The following ANO6 variants were observed in gnomAD, a reference collection of about 807,000 sequenced individuals.
ANO6 encodes anoctamin 6.
A neutral mutation model predicts 117.5 loss-of-function variants in ANO6; 106 were observed. The observed-to-expected ratio is 0.90, with a 90% CI of 0.77 to 1.06. The LOEUF (loss-of-function observed/expected upper bound fraction) is 1.06. Among genes scored for constraint, ANO6 ranks in the 50% least tolerant of loss-of-function variants. ANO6 has a pLI of 0.00. For synonymous variants in ANO6, 367 were observed against 385.1 expected (o/e 0.95, Z 0.55); for missense variants, 955 against 1,121.1 (o/e 0.85, Z 2.12).
At chr12:45,428,757 G>A (rs1347799544) in intron 19 of ANO6, among the ~76,000 whole-genome samples, 2 of 152,094 alleles carry the variant, frequency 1.3e-5, no homozygotes, top group African/African-American at 2.4e-5. Context: ...GAAGTGCAAG[G>A]CCATTAGAAA....
At position 45,391,694 on chromosome 12, in the gene ANO6, C is replaced by T. The variant is rs541914329; in HGVS notation, c.1386+1196C>T. Among the ~76,000 whole-genome samples the T allele has an allele frequency of 5.9e-5, 9 of 152,286 alleles. No homozygotes were observed. The East Asian group carries it at 1.5e-3, about 26-fold the overall frequency. On this transcript the variant is annotated intron_variant, in intron 12 of 19. Coordinates refer to ENST00000320560, the MANE Select transcript of ANO6 (RefSeq NM_001025356.3). ...TCAGCCTGGCCAACATGGCGAAACC[C>T]TGTCTTTACTAAAAATACAAAAATT...
intron 16 of ANO6, 79 bp downstream of exon 16, chr12:45,409,566 C>T (rs1943033479): frequency 6.8e-7 from 1 of 1,469,650 alleles, no homozygotes; most frequent in Non-Finnish European, 9.4e-7. Context: ...TGTTATTGAG[C>T]CATATTAACA....
intron 2 of ANO6, among the ~76,000 whole-genome samples, chr12:45,319,919 T>C (rs1195411467): frequency 6.6e-6 from 1 of 152,224 alleles, no homozygotes; most frequent in Non-Finnish European, 1.5e-5. Flanking sequence ...GTGTTTGTAG[T>C]ATTCTCTGAT....
intron 12 of ANO6, among the ~76,000 whole-genome samples, chr12:45,397,825 G>T (rs1316616118): frequency 6.6e-6 from 1 of 152,162 alleles, no homozygotes; most frequent in Non-Finnish European, 1.5e-5. Flanking sequence ...ACATAGTGGG[G>T]CCTGTTGGGC....
chr12:45,408,717 A>T (rs75469389), intron 15 of ANO6, among the ~76,000 whole-genome samples: 4,588 of 152,216 alleles, frequency 0.03, 87 homozygotes, highest in African/African-American at 0.055. Context: ...CTCCGAGGAA[A>T]AAAATGCCCA....
In ANO6 at chr12:45,430,336, G is replaced by C; in HGVS notation, c.*1025G>C. The C allele has an allele frequency of 1.0e-6, 1 of 985,448 alleles. No individual in the cohort carries two copies. The highest frequency in any genetic ancestry group is 1.2e-6 in the Non-Finnish European group (1 of 829,952). The allele number at this position is 985,448 out of a possible 1,614,324, so 61.0% of individuals were successfully genotyped here. A position where few individuals can be genotyped will look rare whatever the true frequency, so the allele number is the denominator to read the frequency against. On this transcript the variant is annotated 3_prime_UTR_variant, in exon 20 of 20. Transcript: ENST00000320560. Reference sequence around the variant, plus strand: ...ACTACACAGCCATTGGGGTACAACTGTGTGCATGGGCAGAAACAGCAAGTG... The same window carrying C: ...ACTACACAGCCATTGGGGTACAACTCTGTGCATGGGCAGAAACAGCAAGTG...
intron 1 of ANO6, among the ~76,000 whole-genome samples, chr12:45,234,664 C>T (rs1233326120): frequency 6.6e-6 from 1 of 152,188 alleles, no homozygotes. Context: ...AGTCATCTTC[C>T]CTGCCTGAGT....
At chr12:45,424,326 G>GTT (rs1943439451) in intron 19 of ANO6, among the ~76,000 whole-genome samples, 2 of 118,416 alleles carry the variant, frequency 1.7e-5, no homozygotes, top group Admixed American at 9.4e-5. Context: ...CTAGGTGATG[G>GTT]GTTTTTTTTT....
intron 12 of ANO6, among the ~76,000 whole-genome samples, chr12:45,393,085 G>C (rs1242056368): frequency 6.6e-6 from 1 of 152,174 alleles, no homozygotes; most frequent in East Asian, 1.9e-4. Context: ...TCGCAAGGAA[G>C]CTAAAAATCT....
rs139407160 is a variant in ANO6, at chr12:45,403,489, C to T, written c.1833C>T (p.Ile611=). 3 of 1,613,892 alleles carry T rather than the reference C, an allele frequency of 1.9e-6. No individual in the cohort carries two copies. Among genetic ancestry groups the T allele is most frequent in the Non-Finnish European group, 2.5e-6 (3 of 1,179,816 alleles). ...LLELTTQLTI[I]MGGKAIWNNI... is the part of the protein sequence containing the mutation. ...AACTGACAACTCAGCTGACAATAAT[C>T]ATGGGAGGAAAAGCAATCTGGAATA... The change falls in exon 15 of 20, where the codon ATC becomes ATT. Residue 611 remains isoleucine, a synonymous_variant. Coordinates refer to ENST00000320560, the MANE Select transcript of ANO6 (RefSeq NM_001025356.3).
chr12:45,413,627 G>T (rs1379416236), intron 16 of ANO6, among the ~76,000 whole-genome samples: 2 of 152,100 alleles, frequency 1.3e-5, no homozygotes, highest in African/African-American at 4.8e-5. Context: ...GAGTGAGGGA[G>T]GCTCACAAAG....
At position 45,416,827 on chromosome 12, in the gene ANO6, G is replaced by A. The variant is rs765525912; in HGVS notation, c.2140G>A (p.Val714Ile). The change falls in exon 17 of 20, where the codon GTA (valine) becomes ATA (isoleucine). Residue 714 changes from valine to isoleucine, a missense_variant. Val to Ile is a conservative substitution (Grantham distance 29). Coordinates refer to ENST00000320560, the MANE Select transcript of ANO6 (RefSeq NM_001025356.3). ...WKLTTQFRRL[V>I]PEKAQDIGAW... ...ACTGACCACCCAGTTTAGACGCCTGGTACCAGAGAAAGCCCAAGACATTGG... is the reference window on the plus strand; with the variant it reads ...ACTGACCACCCAGTTTAGACGCCTGATACCAGAGAAAGCCCAAGACATTGG... The A allele has an allele frequency of 2.4e-5, 38 of 1,614,004 alleles. No individual in the cohort carries two copies. Among genetic ancestry groups the A allele is most frequent in the South Asian group, 1.1e-4 (10 of 91,070 alleles).
intron 1 of ANO6, among the ~76,000 whole-genome samples, chr12:45,235,390 G>A (rs1476562369): frequency 6.6e-6 from 1 of 152,216 alleles, no homozygotes; most frequent in African/African-American, 2.4e-5. Flanking sequence ...GTGGGGTACA[G>A]TTTCCTGCAA....
intron 1 of ANO6, among the ~76,000 whole-genome samples, chr12:45,265,566 A>G (rs372120304): frequency 4.6e-5 from 7 of 152,230 alleles, no homozygotes; most frequent in African/African-American, 1.4e-4. Flanking sequence ...CCCTATGAAC[A>G]GAGGTAGTAT....
chr12:45,285,802 C>G (rs1014498376), intron 1 of ANO6, among the ~76,000 whole-genome samples: 1 of 151,994 alleles, frequency 6.6e-6, no homozygotes, highest in Admixed American at 6.5e-5. Flanking sequence ...ATGGGATGGT[C>G]TGGAGAGGAG....
chr12:45,276,364 G>T, intron 1 of ANO6, among the ~76,000 whole-genome samples: 1 of 152,142 alleles, frequency 6.6e-6, no homozygotes. Context: ...TTACCTGTCA[G>T]TGTTTACCTC....
chr12:45,417,241 G>A (rs764874396), intron 17 of ANO6, among the ~76,000 whole-genome samples: 8 of 151,968 alleles, frequency 5.3e-5, no homozygotes, highest in African/African-American at 9.7e-5. Context: ...TTTTTATAAT[G>A]TGGGTAGAAA....
Position 45,346,089 on chromosome 12 carries a change from C to G in ANO6, c.280-933C>G, listed in dbSNP as rs1941124576. Among the ~76,000 whole-genome samples, 3 of 152,200 alleles carry G rather than the reference C, an allele frequency of 2.0e-5. No homozygotes were observed. In the South Asian group the frequency reaches 6.2e-4, roughly 32 times the overall value. ...AATGTCATTAATTTGTTAAGTCTGCCCTTGTGGCCTGATTACCCTTCAGTA... is the reference window on the plus strand; with the variant it reads ...AATGTCATTAATTTGTTAAGTCTGCGCTTGTGGCCTGATTACCCTTCAGTA... On this transcript the variant is annotated intron_variant, in intron 3 of 19. Coordinates refer to ENST00000320560, the MANE Select transcript of ANO6 (RefSeq NM_001025356.3).
chr12:45,264,603 A>G (rs1404226431), intron 1 of ANO6, among the ~76,000 whole-genome samples: 2 of 152,262 alleles, frequency 1.3e-5, no homozygotes, highest in African/African-American at 2.4e-5. Flanking sequence ...GAGTAGGAAT[A>G]GCACAGACAT....
Sources: allele counts gnomAD v4.1 joint callset (sites outside exome capture counted in the v4.1 genomes callset), GRCh38; gene constraint gnomAD v4.1.1; transcripts MANE v1.5; gene names NCBI Gene and HGNC (gene_info 2026-07-23, HGNC 2026-07-21).